The following DCPH1 variants were observed in gnomAD, a reference collection of about 807,000 sequenced individuals.
DCPH1 encodes damage control phosphatase 1.
the DCPH1 span, among the ~76,000 whole-genome samples, chr6:151,460,574 A>C: frequency 6.6e-6 from 1 of 151,764 alleles, no homozygotes; most frequent in Non-Finnish European, 1.5e-5. Flanking sequence ...TCAAAAGGTC[A>C]AGAGGTCGAG....
chr6:151,466,544 A>G, the DCPH1 span, among the ~76,000 whole-genome samples: 61 of 152,324 alleles, frequency 4.0e-4, 1 homozygote, highest in Admixed American at 3.3e-3. Flanking sequence ...TTTCAAGGGA[A>G]GCTTGAAAAC....
the DCPH1 span, chr6:151,464,452 G>A: frequency 6.3e-7 from 1 of 1,598,362 alleles, no homozygotes. Context: ...TCCTACTTTA[G>A]TCCACCAATC....
At chr6:151,470,082 A>G in the DCPH1 span, 1 of 152,242 alleles carries the variant, frequency 6.6e-6, no homozygotes, top group South Asian at 2.1e-4. Context: ...CTAAAATAAT[A>G]AAATGAATTG....
At chr6:151,458,798 G>A in the DCPH1 span, among the ~76,000 whole-genome samples, 1 of 152,060 alleles carries the variant, frequency 6.6e-6, no homozygotes, top group Non-Finnish European at 1.5e-5. Flanking sequence ...CAGATTCTTG[G>A]CAATTATAAT....
the DCPH1 span, chr6:151,464,493 G>T: frequency 3.1e-6 from 5 of 1,609,988 alleles, no homozygotes; most frequent in South Asian, 2.2e-5. Flanking sequence ...AGAATCAAAA[G>T]AGCAAAATTT....
the DCPH1 span, chr6:151,464,591 G>T: frequency 6.2e-7 from 1 of 1,608,350 alleles, no homozygotes; most frequent in South Asian, 1.1e-5. Flanking sequence ...AAAATCAGCT[G>T]AAAGATGAGT....
the DCPH1 span, chr6:151,454,483 A>T: frequency 1.3e-6 from 1 of 792,664 alleles, no homozygotes; most frequent in Admixed American, 2.2e-5. Context: ...TCCAGAAACT[A>T]AAAGATAGCC....
the DCPH1 span, among the ~76,000 whole-genome samples, chr6:151,459,349 A>C: frequency 1.3e-5 from 2 of 152,248 alleles, no homozygotes; most frequent in African/African-American, 4.8e-5. Flanking sequence ...AGAACAGTGA[A>C]TCATACTATT....
chr6:151,461,155 A>G, the DCPH1 span, among the ~76,000 whole-genome samples: 1 of 152,198 alleles, frequency 6.6e-6, no homozygotes, highest in Non-Finnish European at 1.5e-5. Flanking sequence ...ATTTTGGAAA[A>G]TATCTGTGGT....
At chr6:151,460,408 A>G in the DCPH1 span, among the ~76,000 whole-genome samples, 2 of 149,868 alleles carry the variant, frequency 1.3e-5, no homozygotes, top group Non-Finnish European at 3.0e-5. Flanking sequence ...CAGCCTATAT[A>G]TTTTTTTTTC....
chr6:151,467,997 T>C, the DCPH1 span, among the ~76,000 whole-genome samples: 1 of 152,226 alleles, frequency 6.6e-6, no homozygotes, highest in African/African-American at 2.4e-5. Context: ...CTGGATTATA[T>C]GGGCAACTTT....
the DCPH1 span, among the ~76,000 whole-genome samples, chr6:151,455,468 G>A: frequency 1.3e-5 from 2 of 152,206 alleles, no homozygotes; most frequent in African/African-American, 2.4e-5. Context: ...AGACAAACAC[G>A]TGAACAAAGG....
chr6:151,461,258 T>C, the DCPH1 span, among the ~76,000 whole-genome samples: 1 of 152,204 alleles, frequency 6.6e-6, no homozygotes, highest in Non-Finnish European at 1.5e-5. Context: ...GAATGCTGTT[T>C]CTGAGTTTGA....
the DCPH1 span, chr6:151,469,153 C>T: frequency 6.6e-7 from 1 of 1,505,970 alleles, no homozygotes; most frequent in Admixed American, 2.2e-5. Context: ...ATCTGGTGAG[C>T]ACCTTTTCAT....
At chr6:151,455,884 G>A in the DCPH1 span, among the ~76,000 whole-genome samples, 1 of 152,294 alleles carries the variant, frequency 6.6e-6, no homozygotes, top group Non-Finnish European at 1.5e-5. Flanking sequence ...GCGGCCTTCC[G>A]GCCTTCCGCA....
the DCPH1 span, chr6:151,452,486 C>T: frequency 1.3e-6 from 2 of 1,587,800 alleles, no homozygotes; most frequent in South Asian, 1.1e-5. Context: ...CGCGGCGGTA[C>T]CGCCTCTGTT....
chr6:151,457,281 G>A, the DCPH1 span, among the ~76,000 whole-genome samples: 4 of 152,194 alleles, frequency 2.6e-5, no homozygotes, highest in Non-Finnish European at 5.9e-5. Context: ...CCTGAGGTTA[G>A]TGTCAGGCAC....
At chr6:151,460,409 T>TA in the DCPH1 span, among the ~76,000 whole-genome samples, 1 of 150,656 alleles carries the variant, frequency 6.6e-6, no homozygotes, top group Non-Finnish European at 1.5e-5. Context: ...AGCCTATATA[T>TA]TTTTTTTTCA....
chr6:151,456,254 A>G, the DCPH1 span, among the ~76,000 whole-genome samples: 10 of 152,208 alleles, frequency 6.6e-5, no homozygotes, highest in Non-Finnish European at 1.2e-4. Flanking sequence ...TAGACTGTAA[A>G]AGAGCATACA....
Sources: allele counts gnomAD v4.1 joint callset (sites outside exome capture counted in the v4.1 genomes callset), GRCh38; gene constraint gnomAD v4.1.1; transcripts MANE v1.5; gene names NCBI Gene and HGNC (gene_info 2026-07-23, HGNC 2026-07-21).